FAM83A: variants seen among roughly 807,000 people sequenced by gnomAD.
FAM83A encodes protein FAM83A.
FAM83A carries 21 observed loss-of-function variants against 24.4 expected under a neutral mutation model. The observed-to-expected ratio is 0.86, with a 90% CI of 0.61 to 1.24. FAM83A has a LOEUF of 1.24. FAM83A is among the 50% of genes most tolerant of loss of function. The probability of loss-of-function intolerance (pLI) is 0.00; values close to 1 mark genes in which losing one functional copy is unlikely to be tolerated. For missense variants in FAM83A, 617 were observed against 579.8 expected (o/e 1.06, Z -0.66); for synonymous variants, 270 against 252.4 (o/e 1.07, Z -0.66).
chr8:123,196,656 A>G (rs958509896), intron 3 of FAM83A, among the ~76,000 whole-genome samples: 1 of 152,228 alleles, frequency 6.6e-6, no homozygotes, highest in Non-Finnish European at 1.5e-5. Flanking sequence ...TACAACAAGG[A>G]CCTTCCTGCA....
upstream of FAM83A, among the ~76,000 whole-genome samples, chr8:123,180,901 A>C (rs527609278): frequency 5.3e-5 from 8 of 152,046 alleles, no homozygotes; most frequent in Admixed American, 5.2e-4. Flanking sequence ...TCCAAAAAAA[A>C]AAAGAGAAAG....
chr8:123,207,265 G>A (rs186087312), exon 4 of FAM83A: 1 of 1,613,016 alleles, frequency 6.2e-7, no homozygotes, highest in Admixed American at 1.7e-5. Context: ...CCTCCTCCAA[G>A]CCTGTGATGG....
At chr8:123,190,340 C>A (rs1333349452) in intron 1 of FAM83A, among the ~76,000 whole-genome samples, 3 of 152,092 alleles carry the variant, frequency 2.0e-5, no homozygotes, top group East Asian at 1.9e-4. Flanking sequence ...CGGCTCACTG[C>A]AACCTCTGCC....
intron 1 of FAM83A, among the ~76,000 whole-genome samples, chr8:123,184,551 C>CT (rs1160943500): frequency 2.0e-5 from 3 of 151,998 alleles, no homozygotes; most frequent in African/African-American, 7.3e-5. Flanking sequence ...TTTCAGGCAC[C>CT]GTGAGAGCTG....
chr8:123,198,898 G>A (rs573434793), intron 3 of FAM83A, among the ~76,000 whole-genome samples: 4 of 152,156 alleles, frequency 2.6e-5, no homozygotes, highest in Admixed American at 6.6e-5. Context: ...CACCACACCC[G>A]GGTAATTGTC....
At chr8:123,181,388 T>G (rs114137124), upstream of FAM83A, among the ~76,000 whole-genome samples, 834 of 152,332 alleles carry the variant, frequency 5.5e-3, 8 homozygotes, top group African/African-American at 0.019. Context: ...TACCATATCC[T>G]GGCTCTTTGA....
intron 1 of FAM83A, among the ~76,000 whole-genome samples, chr8:123,187,362 G>A (rs1278684773): frequency 6.6e-6 from 1 of 152,112 alleles, no homozygotes; most frequent in Non-Finnish European, 1.5e-5. Context: ...CCCATGTGGG[G>A]CTGGATTATT....
Position 123,209,364 on chromosome 8 carries a change from C to A in FAM83A, c.*1676C>A, listed in dbSNP as rs558059686. On this transcript the variant is annotated 3_prime_UTR_variant, in exon 4 of 4. Coordinates refer to ENST00000690554, the Ensembl canonical transcript of FAM83A. The surrounding 1 kb of genome is among the most constrained non-coding windows in gnomAD (Gnocchi z 4.7). ...TCTGGGGCATCTTGGCTTCTGGTTT[C>A]TTTTATTATTATTATTATTATTAAT... The A allele has an allele frequency of 1.4e-6, 2 of 1,465,448 alleles. No homozygotes were observed. 90.8% of individuals were successfully genotyped at this position (1,465,448 alleles called of 1,614,324 possible).
chr8:123,191,936 G>A (rs200388269), exon 2 of FAM83A: 28 of 1,614,064 alleles, frequency 1.7e-5, no homozygotes, highest in Non-Finnish European at 7.6e-6. Context: ...CAGGAGATGT[G>A]TGACAAAGTC....
exon 4 of FAM83A, chr8:123,208,273 C>G (rs188011026): frequency 2.0e-6 from 2 of 985,364 alleles, no homozygotes; most frequent in Admixed American, 1.2e-4. Flanking sequence ...CCCCAGAACC[C>G]GTTATCTATG....
chr8:123,204,907 T>C (rs915125265), intron 3 of FAM83A, among the ~76,000 whole-genome samples: 2 of 148,996 alleles, frequency 1.3e-5, no homozygotes, highest in African/African-American at 5.0e-5. Flanking sequence ...AGGTCAGGAG[T>C]TCAAGACCAG....
At chr8:123,208,965 GAAA>G (rs371147342) in exon 4 of FAM83A, 60 of 904,030 alleles carry the variant, frequency 6.6e-5, no homozygotes, top group African/African-American at 1.8e-4. Flanking sequence ...CTCCGTCACA[GAAA>G]AAAAAAAAAA....
At chr8:123,194,112 T>A (rs773439676) in exon 3 of FAM83A, 12 of 1,614,022 alleles carry the variant, frequency 7.4e-6, no homozygotes, top group Non-Finnish European at 1.0e-5. Context: ...AAGTTCATCA[T>A]CTCGGACTGG....
intron 3 of FAM83A, among the ~76,000 whole-genome samples, chr8:123,196,569 C>A (rs1407702276): frequency 6.6e-6 from 1 of 152,048 alleles, no homozygotes; most frequent in Non-Finnish European, 1.5e-5. Context: ...TAATGGGACT[C>A]CTTCAGTTTT....
rs542288462 is a variant in FAM83A at position 123,196,555 on chromosome 8, C to A, written c.773+2407C>A. Reference sequence around the variant, plus strand: ...TAATAATTTATATTTTTACTCTTTTCTTTTAATGGGACTCCTTCAGTTTTT... The same window carrying A: ...TAATAATTTATATTTTTACTCTTTTATTTTAATGGGACTCCTTCAGTTTTT... On this transcript the variant is annotated intron_variant, in intron 3 of 3. Coordinates refer to ENST00000690554, the Ensembl canonical transcript of FAM83A. Among the ~76,000 whole-genome samples, 8 of 152,138 alleles carry A rather than the reference C, an allele frequency of 5.3e-5. No individual in the cohort carries two copies. In the South Asian group the frequency reaches 1.7e-3, roughly 32 times the overall value.
chr8:123,182,347 C>CA (rs998787228), upstream of FAM83A: 2 of 355,694 alleles, frequency 5.6e-6, no homozygotes, highest in Admixed American at 3.7e-5. Context: ...CTTTCCCCCC[C>CA]ACAGGGAAAT....
At chr8:123,202,666 G>A (rs1824402261) in intron 3 of FAM83A, 1 of 152,634 alleles carries the variant, frequency 6.6e-6, no homozygotes, top group Admixed American at 6.5e-5. Context: ...ACCATTCAGT[G>A]TCCTGAAAGA....
chr8:123,191,975 G>C lies in FAM83A; in HGVS notation c.648+5G>C. 1 of 1,613,892 alleles carries C rather than the reference G, an allele frequency of 6.2e-7. No homozygotes were observed. Among genetic ancestry groups the C allele is most frequent in the Non-Finnish European group, 8.5e-7 (1 of 1,179,878 alleles). On this transcript the variant is annotated splice_donor_5th_base_variant and intron_variant, in intron 2 of 3. Transcript: ENST00000690554. ...ATCTCTGACAGTCACCTCAAGGTAG[G>C]GGCCCCAATGAGAGTCCTAAGGGTA... is the stretch of plus-strand genomic sequence containing the variant.
intron 1 of FAM83A, among the ~76,000 whole-genome samples, chr8:123,183,771 C>G (rs1256549525): frequency 6.6e-6 from 1 of 150,532 alleles, no homozygotes; most frequent in Non-Finnish European, 1.5e-5. Flanking sequence ...TCTCGGGTCA[C>G]TGCAACCTCC....
Sources: allele counts gnomAD v4.1 joint callset (sites outside exome capture counted in the v4.1 genomes callset), GRCh38; gene constraint gnomAD v4.1.1; non-coding constraint Gnocchi (gnomAD v3.1); transcripts MANE v1.5; gene names NCBI Gene and HGNC (gene_info 2026-07-23, HGNC 2026-07-21).